The following ZFAND3 variants were observed in gnomAD, a reference collection of about 807,000 sequenced individuals.
The protein encoded by ZFAND3 is AN1-type zinc finger protein 3.
A neutral mutation model predicts 29.6 loss-of-function variants in ZFAND3; 10 were observed. The ratio of observed to expected loss-of-function variants is 0.34; its 90% CI spans 0.21 to 0.57. The LOEUF (loss-of-function observed/expected upper bound fraction) is 0.57. Among genes scored for constraint, ZFAND3 ranks in the 20% least tolerant of loss-of-function variants. The pLI is 0.86. For missense variants in ZFAND3, 230 were observed against 304.5 expected, an observed-to-expected ratio of 0.76 and a Z score of 1.82; for synonymous variants, 128 against 112.6, an observed-to-expected ratio of 1.14 and a Z score of -0.87.
chr6:37,873,017 G>A (rs981454502), intron 1 of ZFAND3, among the ~76,000 whole-genome samples: 1 of 152,218 alleles, frequency 6.6e-6, no homozygotes, highest in African/African-American at 2.4e-5. Context: ...CCAGCACTTT[G>A]GGAGGCCGAG....
intron 2 of ZFAND3, among the ~76,000 whole-genome samples, chr6:37,988,697 T>A (rs1762710122): frequency 1.3e-5 from 2 of 152,212 alleles, no homozygotes; most frequent in South Asian, 2.1e-4. Flanking sequence ...TTCTGGTTCC[T>A]CTTGTTCCTG....
chr6:38,041,681 T>TCTCCTTCTC (rs1419443328), intron 2 of ZFAND3, among the ~76,000 whole-genome samples: 2 of 13,738 alleles, frequency 1.5e-4, no homozygotes, highest in Admixed American at 1.0e-3. Flanking sequence ...TTCTTCTTCT[T>TCTCCTTCTC]CTTCTCCTTC....
At chr6:37,820,257 C>G (rs1763638697) in intron 1 of ZFAND3, among the ~76,000 whole-genome samples, 2 of 151,740 alleles carry the variant, frequency 1.3e-5, no homozygotes, top group South Asian at 4.2e-4. Flanking sequence ...GCCTGAAGCT[C>G]GGGCCCACGG....
At position 38,012,955 on chromosome 6, in the gene ZFAND3, T is replaced by C. The variant is rs965114812; in HGVS notation, c.113-48638T>C. Among the ~76,000 whole-genome samples, 11 of 152,108 alleles carry C rather than the reference T, an allele frequency of 7.2e-5. No homozygotes were observed. The East Asian group carries it at 1.7e-3, about 24-fold the overall frequency. Reference sequence around the variant, plus strand: ...CTAGAGGAATAACTTCAGTAAGGAGTTACCTTAAATATCAACATTGGTTAT... The same window carrying C: ...CTAGAGGAATAACTTCAGTAAGGAGCTACCTTAAATATCAACATTGGTTAT... On this transcript the variant is annotated intron_variant, in intron 2 of 5. Transcript: ENST00000287218.
At chr6:37,911,877 T>G (rs1434967758) in intron 1 of ZFAND3, among the ~76,000 whole-genome samples, 1 of 152,156 alleles carries the variant, frequency 6.6e-6, no homozygotes, top group Non-Finnish European at 1.5e-5. Flanking sequence ...ATGGGGGGCC[T>G]CACTAGCATA....
chr6:38,121,299 C>T (rs1765528963), intron 5 of ZFAND3, among the ~76,000 whole-genome samples: 1 of 152,198 alleles, frequency 6.6e-6, no homozygotes, highest in Non-Finnish European at 1.5e-5. Flanking sequence ...TGGCTTTCAG[C>T]CCAGGAGTTC....
At chr6:37,995,467 A>G (rs115830166) in intron 2 of ZFAND3, among the ~76,000 whole-genome samples, 2,078 of 152,308 alleles carry the variant, frequency 0.014, 36 homozygotes, top group African/African-American at 0.046. Context: ...AGGTTCTAGA[A>G]TAAAACAGGT....
At chr6:37,836,800 A>G (rs17641690) in intron 1 of ZFAND3, among the ~76,000 whole-genome samples, 9,959 of 152,086 alleles carry the variant, frequency 0.065, 399 homozygotes, top group Non-Finnish European at 0.094. Context: ...TTTTTAAAAA[A>G]CTCTTGAACT....
At position 38,095,804 on chromosome 6, in the gene ZFAND3, G is replaced by A. The variant is rs144392155; in HGVS notation, c.361+13347G>A. ...CCCAGCACTTTGGGAGGTGGAGGTG[G>A]GTGGATTGCTTGAGCCCAGGAATTG... On this transcript the variant is annotated intron_variant, in intron 4 of 5. Coordinates refer to ENST00000287218, the MANE Select transcript of ZFAND3 (RefSeq NM_021943.3). Among the ~76,000 whole-genome samples the A allele has an allele frequency of 2.7e-3, 416 of 152,246 alleles. 1 individual carries two copies. The highest frequency in any genetic ancestry group is 6.8e-3 in the Middle Eastern group (2 of 294).
chr6:37,929,135 C>T (rs902764328), intron 1 of ZFAND3, among the ~76,000 whole-genome samples: 5 of 152,214 alleles, frequency 3.3e-5, no homozygotes, highest in African/African-American at 1.2e-4. Context: ...AGGTCATTGC[C>T]CTGGTCTCAC....
intron 1 of ZFAND3, among the ~76,000 whole-genome samples, chr6:37,899,873 CCTT>C (rs1436815415): frequency 1.3e-5 from 2 of 152,122 alleles, no homozygotes; most frequent in Admixed American, 1.3e-4. Flanking sequence ...TGGGGAGTAT[CCTT>C]CTACTTTGTA....
chr6:37,921,560 T>C (rs1761379526), intron 1 of ZFAND3, among the ~76,000 whole-genome samples: 1 of 152,094 alleles, frequency 6.6e-6, no homozygotes, highest in Non-Finnish European at 1.5e-5. Context: ...GTCTTGTGTA[T>C]GTGTCAGGAA....
chr6:37,897,011 T>C (rs1393971872), intron 1 of ZFAND3, among the ~76,000 whole-genome samples: 2 of 152,218 alleles, frequency 1.3e-5, no homozygotes, highest in Non-Finnish European at 2.9e-5. Flanking sequence ...ATATTGTTGA[T>C]AATATCCTCT....
rs149266071 is a variant in ZFAND3 at position 38,014,752 on chromosome 6, G to A, written c.113-46841G>A. Among the ~76,000 whole-genome samples the A allele has an allele frequency of 5.9e-5, 9 of 152,248 alleles. No individual in the cohort carries two copies. In the East Asian group the frequency reaches 1.2e-3, roughly 20 times the overall value. On this transcript the variant is annotated intron_variant, in intron 2 of 5. Coordinates refer to ENST00000287218, the MANE Select transcript of ZFAND3 (RefSeq NM_021943.3). Reference sequence around the variant, plus strand: ...CTTTCTCCTGGCGGATGGGATTGGCGGGTGGTCCTATTTTCTAAAGGGAGG... The same window carrying A: ...CTTTCTCCTGGCGGATGGGATTGGCAGGTGGTCCTATTTTCTAAAGGGAGG...
At chr6:37,840,409 C>T (rs547780890) in intron 1 of ZFAND3, among the ~76,000 whole-genome samples, 3 of 152,324 alleles carry the variant, frequency 2.0e-5, no homozygotes, top group African/African-American at 7.2e-5. Context: ...AATTTTATTT[C>T]ATTAATTTCT....
chr6:37,890,738 G>T (rs1280390724), intron 1 of ZFAND3, among the ~76,000 whole-genome samples: 1 of 152,152 alleles, frequency 6.6e-6, no homozygotes. Context: ...TTCAAGATAA[G>T]CACACAGTTC....
chr6:37,950,382 T>G (rs1481770448), intron 2 of ZFAND3, among the ~76,000 whole-genome samples: 17 of 151,654 alleles, frequency 1.1e-4, no homozygotes, highest in Non-Finnish European at 2.4e-4. Flanking sequence ...TTGACTTGTT[T>G]TTTTTTTTTT....
At chr6:37,960,826 C>A (rs1204108699) in intron 2 of ZFAND3, among the ~76,000 whole-genome samples, 2 of 151,984 alleles carry the variant, frequency 1.3e-5, no homozygotes, top group African/African-American at 4.8e-5. Context: ...ACACCTGTAA[C>A]CCCAGCACTT....
intron 2 of ZFAND3, among the ~76,000 whole-genome samples, chr6:38,042,980 C>T (rs905419891): frequency 3.3e-5 from 5 of 151,514 alleles, no homozygotes; most frequent in South Asian, 4.2e-4. Flanking sequence ...TCACTTTGCT[C>T]GGATAAAAAA....
Sources: allele counts gnomAD v4.1 joint callset (sites outside exome capture counted in the v4.1 genomes callset), GRCh38; gene constraint gnomAD v4.1.1; transcripts MANE v1.5; gene names NCBI Gene and HGNC (gene_info 2026-07-23, HGNC 2026-07-21).